Variants in FMNL2 observed in about 807,000 individuals in gnomAD.
The protein encoded by FMNL2 is formin-like protein 2.
Under a neutral mutation model 130.2 loss-of-function variants are expected in FMNL2, and 51 were observed. The ratio of observed to expected loss-of-function variants is 0.39; its 90% CI spans 0.31 to 0.49. FMNL2 has a LOEUF of 0.49. Among genes scored for constraint, FMNL2 ranks in the 20% least tolerant of loss-of-function variants. The pLI, the probability that FMNL2 is intolerant of heterozygous loss-of-function variation, is 0.85. For missense variants in FMNL2, 977 were observed against 1,316.2 expected, an observed-to-expected ratio of 0.74 and a Z score of 3.99; for synonymous variants, 465 against 467.1, an observed-to-expected ratio of 1.00 and a Z score of 0.06.
chr2:152,443,353 G>A (rs749655570), intron 1 of FMNL2, among the ~76,000 whole-genome samples: 3 of 152,096 alleles, frequency 2.0e-5, no homozygotes, highest in Non-Finnish European at 2.9e-5. Context: ...CATCAGTTTG[G>A]GATTGATAGT....
At chr2:152,562,261 T>C (rs1007911197) in intron 6 of FMNL2, among the ~76,000 whole-genome samples, 1 of 152,216 alleles carries the variant, frequency 6.6e-6, no homozygotes, top group African/African-American at 2.4e-5. Context: ...CACTACCCCC[T>C]TACTTACTCT....
intron 1 of FMNL2, among the ~76,000 whole-genome samples, chr2:152,428,031 A>T (rs753428562): frequency 6.6e-6 from 1 of 152,234 alleles, no homozygotes; most frequent in African/African-American, 2.4e-5. Flanking sequence ...TTGTCTTTAA[A>T]GGATATTGTC....
At position 152,623,386 on chromosome 2, in the gene FMNL2, G is replaced by A. The variant is rs147869979; in HGVS notation, c.1838-2052G>A. Among the ~76,000 whole-genome samples the A allele has an allele frequency of 1.4e-3, 216 of 152,302 alleles. 1 individual carries two copies. Among genetic ancestry groups the A allele is most frequent in the African/African-American group, 4.8e-3 (199 of 41,562 alleles). On this transcript the variant is annotated intron_variant, in intron 15 of 25. Transcript: ENST00000288670. Reference sequence around the variant, plus strand: ...GGGTAGCGTAGACAAAATGCTGTACGGTGAGGAATCTGACACTGTGGCGTA... The same window carrying A: ...GGGTAGCGTAGACAAAATGCTGTACAGTGAGGAATCTGACACTGTGGCGTA...
intron 2 of FMNL2, among the ~76,000 whole-genome samples, chr2:152,536,207 C>T (rs1298809021): frequency 6.6e-6 from 1 of 152,214 alleles, no homozygotes; most frequent in Non-Finnish European, 1.5e-5. Context: ...TTGGATAAAT[C>T]ATTTCTGTCC....
At chr2:152,536,497 A>C (rs1694001260) in intron 2 of FMNL2, among the ~76,000 whole-genome samples, 1 of 152,222 alleles carries the variant, frequency 6.6e-6, no homozygotes, top group Non-Finnish European at 1.5e-5. Context: ...GAAAACATTC[A>C]AGTGTAGTGA....
rs1447605986 is a variant in FMNL2, at chr2:152,617,073, C to G, written c.1213-18C>G. On this transcript the variant is annotated intron_variant, in intron 12 of 25. Transcript: ENST00000288670. Reference sequence around the variant, plus strand: ...GATGATCCTGTATTGTGACAGCTTTCTTTTCAAAATTTTACAGTTATCTGA... The same window carrying G: ...GATGATCCTGTATTGTGACAGCTTTGTTTTCAAAATTTTACAGTTATCTGA... 1.2e-6 allele frequency: 2 copies of G among 1,611,602 alleles called. No homozygotes were observed. The highest frequency in any genetic ancestry group is 2.7e-5 in the African/African-American group (2 of 74,942).
intron 1 of FMNL2, among the ~76,000 whole-genome samples, chr2:152,507,452 T>A (rs965963785): frequency 6.6e-6 from 1 of 152,228 alleles, no homozygotes; most frequent in African/African-American, 2.4e-5. Flanking sequence ...ACACTTTGCA[T>A]GTGTTCTCTC....
At chr2:152,416,725 C>T (rs1455534005) in intron 1 of FMNL2, among the ~76,000 whole-genome samples, 1 of 152,200 alleles carries the variant, frequency 6.6e-6, no homozygotes, top group African/African-American at 2.4e-5. Flanking sequence ...TAGATTGTAG[C>T]TGCTATATTT....
chr2:152,346,906 A>G lies in FMNL2; in HGVS notation c.117+11186A>G, dbSNP rs563930517. On this transcript the variant is annotated intron_variant, in intron 1 of 25. Transcript: ENST00000288670. Reference sequence around the variant, plus strand: ...GGAGTTCGAGACCAGCCTGGCCAACATGGTGAAACCCCGTATCTACTAAAG... The same window carrying G: ...GGAGTTCGAGACCAGCCTGGCCAACGTGGTGAAACCCCGTATCTACTAAAG... Among the ~76,000 whole-genome samples, 61 of 152,060 alleles carry G rather than the reference A, an allele frequency of 4.0e-4. No individual in the cohort carries two copies. The South Asian group carries it at 6.5e-3, about 16-fold the overall frequency.
chr2:152,568,090 T>C (rs890173886), intron 6 of FMNL2, among the ~76,000 whole-genome samples: 3 of 152,168 alleles, frequency 2.0e-5, no homozygotes, highest in Non-Finnish European at 4.4e-5. Context: ...AAGACAGACA[T>C]ATACACAACT....
chr2:152,580,308 C>T (rs1470724186), intron 8 of FMNL2, among the ~76,000 whole-genome samples: 2 of 152,188 alleles, frequency 1.3e-5, no homozygotes, highest in African/African-American at 4.8e-5. Flanking sequence ...GAGTGTATCT[C>T]CATGTTCTCC....
intron 1 of FMNL2, chr2:152,389,852 T>A (rs1402547838): frequency 1.8e-6 from 2 of 1,093,902 alleles, no homozygotes; most frequent in African/African-American, 1.5e-5. Flanking sequence ...ATACAGACTT[T>A]CAGCCACGAC....
At chr2:152,541,843 A>G (rs1431222062) in intron 2 of FMNL2, among the ~76,000 whole-genome samples, 1 of 151,944 alleles carries the variant, frequency 6.6e-6, no homozygotes, top group Non-Finnish European at 1.5e-5. Flanking sequence ...ATTGTAATCT[A>G]GTATACCATT....
intron 1 of FMNL2, among the ~76,000 whole-genome samples, chr2:152,347,159 TCC>T (rs1682174103): frequency 6.6e-6 from 1 of 151,980 alleles, no homozygotes; most frequent in Admixed American, 6.6e-5. Flanking sequence ...GGAATCAGAA[TCC>T]CTCCCTCCCT....
chr2:152,383,012 G>A (rs76403897), intron 1 of FMNL2, among the ~76,000 whole-genome samples: 9,555 of 152,190 alleles, frequency 0.063, 551 homozygotes, highest in Admixed American at 0.2. Context: ...AACCTACTGT[G>A]CTGCAAATGG....
At chr2:152,338,601 G>C (rs143364430) in intron 1 of FMNL2, among the ~76,000 whole-genome samples, 108 of 152,208 alleles carry the variant, frequency 7.1e-4, no homozygotes, top group African/African-American at 2.5e-3. Context: ...GGTGAACTTT[G>C]AAAAGTAATC....
chr2:152,404,707 G>A (rs1000281726), intron 1 of FMNL2, among the ~76,000 whole-genome samples: 3 of 152,146 alleles, frequency 2.0e-5, no homozygotes, highest in Admixed American at 6.5e-5. Flanking sequence ...AAGGCAGAAC[G>A]GATCCTTATT....
At chr2:152,623,742 C>T (rs2105910259) in intron 15 of FMNL2, among the ~76,000 whole-genome samples, 1 of 152,176 alleles carries the variant, frequency 6.6e-6, no homozygotes, top group South Asian at 2.1e-4. Context: ...ACTGACGAAG[C>T]TGAATGTGTA....
intron 1 of FMNL2, among the ~76,000 whole-genome samples, chr2:152,341,747 G>A (rs986106923): frequency 1.8e-4 from 28 of 152,236 alleles, no homozygotes; most frequent in Admixed American, 1.4e-3. Context: ...CTTTCAGGTG[G>A]AAATGTGTGT....
Sources: gnomAD v4.1 joint callset for allele counts (sites outside exome capture counted in the v4.1 genomes callset) on GRCh38, gnomAD v4.1.1 for gene constraint, MANE v1.5 for transcripts, NCBI Gene and HGNC (gene_info 2026-07-23, HGNC 2026-07-21) for gene names.